The following SLIT3 variants were observed in gnomAD, a reference collection of about 807,000 sequenced individuals.
The protein encoded by SLIT3 is slit homolog 3 protein.
SLIT3 carries 68 observed loss-of-function variants against 184.0 expected under a neutral mutation model. That is an observed-to-expected ratio of 0.37 (90% confidence interval 0.30 to 0.45). The LOEUF is 0.45. SLIT3 is among the 20% of genes least tolerant of loss of function. The pLI, the probability that SLIT3 is intolerant of heterozygous loss-of-function variation, is 1.00. For missense variants in SLIT3, 1,707 were observed against 2,026.0 expected (o/e 0.84, Z 3.02); for synonymous variants, 831 against 828.6 (o/e 1.00, Z -0.05).
At chr5:168,781,944 C>T (rs114797418) in intron 12 of SLIT3, among the ~76,000 whole-genome samples, 1,800 of 152,184 alleles carry the variant, frequency 0.012, 14 homozygotes, top group Non-Finnish European at 0.013. Context: ...TTCCTCTTAG[C>T]GTTGTGGTAG....
chr5:169,056,557 C>A (rs576907751), intron 4 of SLIT3, among the ~76,000 whole-genome samples: 1 of 151,612 alleles, frequency 6.6e-6, no homozygotes, highest in African/African-American at 2.4e-5. Context: ...TATAATGGAT[C>A]GTTGGCCACC....
chr5:168,804,845 T>C (rs1326636288), intron 9 of SLIT3, among the ~76,000 whole-genome samples: 1 of 152,198 alleles, frequency 6.6e-6, no homozygotes, highest in Non-Finnish European at 1.5e-5. Flanking sequence ...CGTCCCAGGA[T>C]GCGGCCCCTC....
chr5:169,135,124 G>T (rs1413575739), intron 4 of SLIT3, among the ~76,000 whole-genome samples: 1 of 152,128 alleles, frequency 6.6e-6, no homozygotes, highest in East Asian at 1.9e-4. Context: ...TTGTTTTTTG[G>T]AGACGGAGTC....
chr5:169,222,483 T>C (rs777497750), intron 3 of SLIT3, among the ~76,000 whole-genome samples: 1 of 152,102 alleles, frequency 6.6e-6, no homozygotes, highest in Non-Finnish European at 1.5e-5. Flanking sequence ...ATTGATTAGA[T>C]CTCAGGTGAC....
chr5:168,879,620 A>G (rs1200917854), intron 5 of SLIT3, among the ~76,000 whole-genome samples: 1 of 152,158 alleles, frequency 6.6e-6, no homozygotes, highest in African/African-American at 2.4e-5. Flanking sequence ...ACTCCCTCTT[A>G]TTAAAACCAA....
intron 3 of SLIT3, among the ~76,000 whole-genome samples, chr5:169,219,898 A>G (rs1368337303): frequency 6.6e-6 from 1 of 152,182 alleles, no homozygotes; most frequent in Non-Finnish European, 1.5e-5. Context: ...GATCTCGAAA[A>G]GTCTCCAGTG....
intron 20 of SLIT3, among the ~76,000 whole-genome samples, chr5:168,728,422 A>T (rs1014025805): frequency 6.6e-6 from 1 of 152,072 alleles, no homozygotes; most frequent in South Asian, 2.1e-4. Context: ...GGGAAATATG[A>T]TGCTACCAAA....
At chr5:169,201,726 G>C (rs911330458) in intron 3 of SLIT3, among the ~76,000 whole-genome samples, 8 of 152,210 alleles carry the variant, frequency 5.3e-5, no homozygotes, top group Non-Finnish European at 7.3e-5. Flanking sequence ...CAAGGCTGCT[G>C]TGCCAGGGGA....
chr5:169,067,596 C>T (rs974510615), intron 4 of SLIT3, among the ~76,000 whole-genome samples: 4 of 152,166 alleles, frequency 2.6e-5, no homozygotes, highest in Non-Finnish European at 4.4e-5. Context: ...CCTTTTGCAG[C>T]TCATAAACCT....
intron 4 of SLIT3, among the ~76,000 whole-genome samples, chr5:168,979,277 GGGGCCCGAAGA>G (rs1754871430): frequency 6.6e-6 from 1 of 152,176 alleles, no homozygotes; most frequent in African/African-American, 2.4e-5. Context: ...GGCCTGTGTT[GGGGCCCGAAGA>G]GGACAAGATG....
intron 4 of SLIT3, among the ~76,000 whole-genome samples, chr5:169,122,503 A>G (rs1438691157): frequency 6.6e-6 from 1 of 152,058 alleles, no homozygotes; most frequent in Non-Finnish European, 1.5e-5. Context: ...TGGTTCCATC[A>G]CTTTTTGTTT....
intron 4 of SLIT3, among the ~76,000 whole-genome samples, chr5:169,157,529 T>C (rs1162800082): frequency 6.6e-6 from 1 of 152,154 alleles, no homozygotes; most frequent in Admixed American, 6.5e-5. Flanking sequence ...TTTCCACCCC[T>C]ATCTGGCCAT....
At chr5:168,972,275 T>A (rs879357079) in intron 4 of SLIT3, among the ~76,000 whole-genome samples, 52 of 149,748 alleles carry the variant, frequency 3.5e-4, no homozygotes, top group Non-Finnish European at 6.6e-4. Flanking sequence ...AAGCACGACC[T>A]TGAGGGATCA....
intron 12 of SLIT3, among the ~76,000 whole-genome samples, chr5:168,784,220 T>C (rs1364732642): frequency 1.3e-5 from 2 of 152,242 alleles, no homozygotes; most frequent in African/African-American, 2.4e-5. Context: ...TAGCTACAGT[T>C]AACTAGCCTT....
intron 34 of SLIT3, 23 bp from the exon 35 acceptor site, chr5:168,670,014 G>A: frequency 6.2e-7 from 1 of 1,606,310 alleles, no homozygotes; most frequent in Non-Finnish European, 8.5e-7. Flanking sequence ...AGGAGGATGA[G>A]AAGGGAACTG....
chr5:169,187,159 G>C (rs1235818806), intron 4 of SLIT3, among the ~76,000 whole-genome samples: 1 of 124,942 alleles, frequency 8.0e-6, no homozygotes. Context: ...TTGTCAGCAG[G>C]CTGGAGTGCA....
chr5:169,104,370 A>G (rs1417067566), intron 4 of SLIT3, among the ~76,000 whole-genome samples: 1 of 152,254 alleles, frequency 6.6e-6, no homozygotes, highest in Admixed American at 6.5e-5. Context: ...GCGTACGCTC[A>G]GCTCAATCAC....
rs4354063 is a variant in SLIT3, at chr5:168,866,786, C to T, written c.485+16479G>A. 3.9e-5 allele frequency among the ~76,000 whole-genome samples: 6 copies of T among 152,340 alleles called. No individual in the cohort carries two copies. The South Asian group carries it at 1.0e-3, about 26-fold the overall frequency. On this transcript the variant is annotated intron_variant, in intron 5 of 35. Transcript: ENST00000519560. ...AAGAAGGATAATCCCACCAACCCCA[C>T]TGGGTTGTTACAGCAATTAAATGAT...
intron 4 of SLIT3, among the ~76,000 whole-genome samples, chr5:168,905,192 A>T (rs1030492742): frequency 2.0e-5 from 3 of 151,232 alleles, no homozygotes; most frequent in Non-Finnish European, 4.4e-5. Context: ...AAAGAAAAAA[A>T]ATGGGGATGT....
Sources: allele counts gnomAD v4.1 joint callset (sites outside exome capture counted in the v4.1 genomes callset), GRCh38; gene constraint gnomAD v4.1.1; transcripts MANE v1.5; gene names NCBI Gene and HGNC (gene_info 2026-07-23, HGNC 2026-07-21).